Variants in NRG3 observed in about 807,000 individuals in gnomAD.
NRG3 encodes the protein pro-neuregulin-3, membrane-bound isoform.
Under a neutral mutation model 66.9 loss-of-function variants are expected in NRG3, and 31 were observed. That is an observed-to-expected ratio of 0.46 (90% CI 0.35 to 0.63). The LOEUF is 0.63. NRG3 is among the 20% of genes least tolerant of loss of function. The probability of loss-of-function intolerance (pLI) is 0.00; values close to 1 mark genes in which losing one functional copy is unlikely to be tolerated. For missense variants in NRG3, 910 were observed against 878.9 expected (o/e 1.04, Z -0.45); for synonymous variants, 393 against 359.4 (o/e 1.09, Z -1.06).
chr10:82,383,294 C>G (rs1343785811), intron 2 of NRG3, among the ~76,000 whole-genome samples: 1 of 151,610 alleles, frequency 6.6e-6, no homozygotes, highest in Non-Finnish European at 1.5e-5. Flanking sequence ...TATATCTTCT[C>G]TCTCTTAAAT....
At chr10:82,067,719 AG>A (rs2064566068) in intron 1 of NRG3, among the ~76,000 whole-genome samples, 1 of 152,224 alleles carries the variant, frequency 6.6e-6, no homozygotes, top group African/African-American at 2.4e-5. Context: ...CCACCAAATC[AG>A]AACTGTTAGA....
intron 1 of NRG3, among the ~76,000 whole-genome samples, chr10:82,022,576 C>T (rs1364432637): frequency 1.3e-5 from 2 of 152,120 alleles, no homozygotes; most frequent in Non-Finnish European, 2.9e-5. Context: ...GTGTACTTCT[C>T]TACAGGATTT....
intron 1 of NRG3, among the ~76,000 whole-genome samples, chr10:82,089,386 C>T (rs535499495): frequency 1.3e-5 from 2 of 152,234 alleles, no homozygotes; most frequent in East Asian, 3.9e-4. Context: ...ATGAGGCAAT[C>T]TGTGCTTCCC....
chr10:82,584,281 T>G (rs183098745), intron 2 of NRG3, among the ~76,000 whole-genome samples: 21 of 152,198 alleles, frequency 1.4e-4, no homozygotes, highest in Non-Finnish European at 1.5e-5. Flanking sequence ...AGACAGGGTT[T>G]CATCTTGTTG....
intron 2 of NRG3, among the ~76,000 whole-genome samples, chr10:82,589,976 G>A (rs2046888931): frequency 6.6e-6 from 1 of 152,160 alleles, no homozygotes; most frequent in African/African-American, 2.4e-5. Flanking sequence ...AACAGTCACT[G>A]AAAAATGGTT....
chr10:82,486,270 A>G (rs532028265), intron 2 of NRG3, among the ~76,000 whole-genome samples: 1 of 152,194 alleles, frequency 6.6e-6, no homozygotes, highest in Non-Finnish European at 1.5e-5. Flanking sequence ...AAAACTGAAA[A>G]TCAAAATAAT....
chr10:82,493,097 T>C (rs1843298602), intron 2 of NRG3, among the ~76,000 whole-genome samples: 1 of 152,006 alleles, frequency 6.6e-6, no homozygotes, highest in Admixed American at 6.5e-5. Flanking sequence ...AAACACTTGA[T>C]GTTCAGGTTT....
At chr10:82,472,814 T>C (rs753571652) in intron 2 of NRG3, among the ~76,000 whole-genome samples, 2 of 152,264 alleles carry the variant, frequency 1.3e-5, no homozygotes, top group Non-Finnish European at 1.5e-5. Context: ...TGTTTTATTA[T>C]TTTGTTTTGA....
chr10:82,104,102 T>C (rs970880235), intron 1 of NRG3, among the ~76,000 whole-genome samples: 1 of 152,170 alleles, frequency 6.6e-6, no homozygotes. Context: ...TTCAATTTTT[T>C]TGACTTTTGT....
intron 1 of NRG3, among the ~76,000 whole-genome samples, chr10:81,960,731 C>T (rs1850278463): frequency 6.6e-6 from 1 of 151,362 alleles, no homozygotes; most frequent in African/African-American, 2.4e-5. Flanking sequence ...GTTGCTGGAT[C>T]GCCTCCCTGT....
intron 1 of NRG3, among the ~76,000 whole-genome samples, chr10:82,129,452 G>A (rs535299335): frequency 6.6e-6 from 1 of 152,220 alleles, no homozygotes; most frequent in South Asian, 2.1e-4. Flanking sequence ...GTATGTATGA[G>A]GACATGAGAT....
chr10:82,686,446 C>G lies in NRG3; in HGVS notation c.954-52131C>G, dbSNP rs181603955. ...CAGGTGATCCACCCACCTCAGCCCC[C>G]CAAAGTGCTGGGATTATAGGCACGA... On this transcript the variant is annotated intron_variant, in intron 2 of 8. Transcript: ENST00000372141. 8.5e-5 allele frequency among the ~76,000 whole-genome samples: 13 copies of G among 152,256 alleles called. No homozygotes were observed. The South Asian group carries it at 1.0e-3, about 12-fold the overall frequency.
At chr10:82,286,404 T>TGGGA (rs2079421098) in intron 1 of NRG3, among the ~76,000 whole-genome samples, 2 of 152,172 alleles carry the variant, frequency 1.3e-5, no homozygotes, top group African/African-American at 2.4e-5. Flanking sequence ...GTGTTTAAGG[T>TGGGA]GGGAGTCTTT....
At chr10:82,339,087 G>T (rs3862551) in intron 1 of NRG3, among the ~76,000 whole-genome samples, 21,594 of 152,098 alleles carry the variant, frequency 0.14, 3,004 homozygotes, top group African/African-American at 0.35. Flanking sequence ...AAGAAGATTT[G>T]GAGAACAATG....
At chr10:82,059,897 G>C (rs1465216564) in intron 1 of NRG3, among the ~76,000 whole-genome samples, 2 of 152,154 alleles carry the variant, frequency 1.3e-5, no homozygotes, top group African/African-American at 4.8e-5. Flanking sequence ...CCATAACATT[G>C]TATTTGAATA....
intron 1 of NRG3, among the ~76,000 whole-genome samples, chr10:81,978,596 C>G (rs2060213111): frequency 6.6e-6 from 1 of 152,118 alleles, no homozygotes; most frequent in African/African-American, 2.4e-5. Context: ...TCTATACATA[C>G]TCCTGGATAA....
intron 3 of NRG3, among the ~76,000 whole-genome samples, chr10:82,778,203 C>A (rs754164803): frequency 3.3e-5 from 5 of 152,134 alleles, no homozygotes; most frequent in Non-Finnish European, 7.3e-5. Flanking sequence ...GGACTGAGTG[C>A]TGCATGGGCT....
chr10:82,642,856 A>C (rs1176963561), intron 2 of NRG3, among the ~76,000 whole-genome samples: 1 of 152,010 alleles, frequency 6.6e-6, no homozygotes, highest in Non-Finnish European at 1.5e-5. Context: ...CTTTAGGTGA[A>C]ATAATAGTGT....
At chr10:81,943,370 AAAT>A (rs1453232924) in intron 1 of NRG3, among the ~76,000 whole-genome samples, 2 of 152,254 alleles carry the variant, frequency 1.3e-5, no homozygotes, top group African/African-American at 2.4e-5. Context: ...TACTCTTAAA[AAAT>A]AATAATAATT....
Sources: allele counts gnomAD v4.1 joint callset (sites outside exome capture counted in the v4.1 genomes callset), GRCh38; gene constraint gnomAD v4.1.1; transcripts MANE v1.5; gene names NCBI Gene and HGNC (gene_info 2026-07-23, HGNC 2026-07-21).